The following FGR variants were observed in gnomAD, a reference collection of about 807,000 sequenced individuals.
FGR encodes tyrosine-protein kinase Fgr.
FGR carries 26 observed loss-of-function variants against 63.2 expected under a neutral mutation model. The observed-to-expected ratio is 0.41, with a 90% CI of 0.30 to 0.57. The LOEUF (loss-of-function observed/expected upper bound fraction) is 0.57, where lower values mean the gene tolerates loss of function less well. FGR is among the 20% of genes least tolerant of loss of function. The pLI, the probability that FGR is intolerant of heterozygous loss-of-function variation, is 0.27. For synonymous variants in FGR, 286 were observed against 277.7 expected (o/e 1.03, Z -0.30); for missense variants, 511 against 690.8 (o/e 0.74, Z 2.92).
At chr1:27,627,701 T>C (rs1571404001) in intron 1 of FGR, among the ~76,000 whole-genome samples, 1 of 152,118 alleles carries the variant, frequency 6.6e-6, no homozygotes, top group Non-Finnish European at 1.5e-5. Flanking sequence ...CTCCGCCTCC[T>C]GGGTTCAAGC....
Position 27,615,658 on chromosome 1 carries a change from G to A in FGR, c.838+31C>T. 6.3e-7 allele frequency: 1 copy of A among 1,593,176 alleles called. No homozygotes were observed. The highest frequency in any genetic ancestry group is 8.6e-7 in the Non-Finnish European group (1 of 1,163,972). ...TCAGGACCCTCTCCCCCGAGCCCAGGCCCTCGTCCCGGCCCCCGGGAGCTC... is the reference window on the plus strand; with the variant it reads ...TCAGGACCCTCTCCCCCGAGCCCAGACCCTCGTCCCGGCCCCCGGGAGCTC... On this transcript the variant is annotated intron_variant, in intron 8 of 12. Transcript: ENST00000374005. This position sits in a 1 kb window ranked among gnomAD's most constrained non-coding sequence, Gnocchi z 7.6.
intron 1 of FGR, among the ~76,000 whole-genome samples, chr1:27,633,639 C>T (rs939625673): frequency 1.3e-5 from 2 of 152,196 alleles, no homozygotes; most frequent in African/African-American, 2.4e-5. Context: ...GCCTTGAACT[C>T]GTGGGCTCCA....
At chr1:27,614,665 G>GA in intron 10 of FGR, 82 bp from the exon 11 acceptor site, 2 of 1,524,100 alleles carry the variant, frequency 1.3e-6, no homozygotes, top group Admixed American at 3.7e-5. Context: ...GGGACCATTT[G>GA]AAAAACCCAC....
In FGR at chr1:27,616,988, A is replaced by C; in HGVS notation, c.551T>G (p.Ile184Ser). ...GCCTCTGGTCTGATCCCAGTCCCGG[A>C]TGGACAGGGAGTAGGCACCTGTGGA... ...ETTKGAYSLS[I>S]RDWDQTRGDH... Residue 184 changes from isoleucine (I) to serine (S), a missense_variant, in exon 7 of 13, where the codon ATC becomes AGC. Coordinates refer to ENST00000374005, the MANE Select transcript of FGR (RefSeq NM_005248.3). The surrounding 1 kb of genome is among the most constrained non-coding windows in gnomAD (Gnocchi z 4.3). The C allele has an allele frequency of 6.2e-7, 1 of 1,614,102 alleles. No individual in the cohort carries two copies. The highest frequency in any genetic ancestry group is 8.5e-7 in the Non-Finnish European group (1 of 1,179,966).
chr1:27,622,206 T>C (rs1343555289), intron 4 of FGR, among the ~76,000 whole-genome samples: 1 of 144,934 alleles, frequency 6.9e-6, no homozygotes, highest in African/African-American at 2.6e-5. Flanking sequence ...CCAGGATCAC[T>C]GGAACCCAGG....
At chr1:27,614,333 G>C in intron 11 of FGR, 97 bp downstream of exon 11, 1 of 1,384,642 alleles carries the variant, frequency 7.2e-7, no homozygotes, top group African/African-American at 1.4e-5. Flanking sequence ...GGCGACTCGG[G>C]CGACCTGGAG....
Position 27,617,900 on chromosome 1 carries a change from C to G in FGR, c.429-604G>C, listed in dbSNP as rs777943866. The stretch of plus-strand genomic sequence containing the variant: ...CCTAAGTCTAAACTTCAACCTCAGG[C>G]CTCAATCACTCCTCTCCCTTGGGGA... On this transcript the variant is annotated intron_variant, in intron 5 of 12. Transcript: ENST00000374005. This position sits in a 1 kb window ranked among gnomAD's most constrained non-coding sequence, Gnocchi z 4.5. 2.6e-5 allele frequency among the ~76,000 whole-genome samples: 4 copies of G among 152,198 alleles called. No individual in the cohort carries two copies. The highest frequency in any genetic ancestry group is 5.9e-5 in the Non-Finnish European group (4 of 68,038).
At chr1:27,632,717 G>C (rs973988162) in intron 1 of FGR, among the ~76,000 whole-genome samples, 1 of 151,878 alleles carries the variant, frequency 6.6e-6, no homozygotes, top group Non-Finnish European at 1.5e-5. Context: ...TGGGACTCAG[G>C]ATTTTCAGGA....
rs145752645 is a variant in FGR at position 27,633,241 on chromosome 1, C to T, written c.-77+1824G>A. Among the ~76,000 whole-genome samples the T allele has an allele frequency of 9.2e-3, 1,403 of 152,268 alleles. 15 individuals carry two copies. The highest frequency in any genetic ancestry group is 0.015 in the Non-Finnish European group (1,027 of 68,014). On this transcript the variant is annotated intron_variant, in intron 1 of 12. Coordinates refer to ENST00000374005, the MANE Select transcript of FGR (RefSeq NM_005248.3). ...CAGGCTACATCAGAGACGAGATGTCCTGGAATTCTGGTCCCTACTGTTGGC... is the reference window on the plus strand; with the variant it reads ...CAGGCTACATCAGAGACGAGATGTCTTGGAATTCTGGTCCCTACTGTTGGC...
rs780777897 is a variant in FGR at position 27,623,947 on chromosome 1, C to T, written c.-13-18G>A. 69 of 1,553,782 alleles carry T rather than the reference C, an allele frequency of 4.4e-5. No individual in the cohort carries two copies. Among genetic ancestry groups the T allele is most frequent in the Non-Finnish European group, 5.7e-5 (65 of 1,146,730 alleles). ...GTTCCCTGCTACAGAATGGGGCATG[C>T]CTCACTCAAGGACCCCTGCCAGGTG... is the stretch of plus-strand genomic sequence containing the variant. On this transcript the variant is annotated intron_variant, in intron 2 of 12. Coordinates refer to ENST00000374005, the MANE Select transcript of FGR (RefSeq NM_005248.3).
rs1290822169 is a variant in FGR at position 27,617,830 on chromosome 1, C to T, written c.429-534G>A. On this transcript the variant is annotated intron_variant, in intron 5 of 12. Coordinates refer to ENST00000374005, the MANE Select transcript of FGR (RefSeq NM_005248.3). The surrounding 1 kb of genome is among the most constrained non-coding windows in gnomAD (Gnocchi z 4.5). ...CTTCTCTTCTCTCTGGCTGCTCCCG[C>T]CCCGGCTACTGCTCTTCCTGCACTC... is the stretch of plus-strand genomic sequence containing the variant. 6.6e-6 allele frequency among the ~76,000 whole-genome samples: 1 copy of T among 152,216 alleles called. No homozygotes were observed. Among genetic ancestry groups the T allele is most frequent in the Non-Finnish European group, 1.5e-5 (1 of 68,034 alleles).
intron 11 of FGR, among the ~76,000 whole-genome samples, chr1:27,613,896 G>A (rs907758615): frequency 7.2e-5 from 11 of 152,000 alleles, no homozygotes; most frequent in Non-Finnish European, 1.6e-4. Context: ...GCCAATACTT[G>A]GCTAGCCTTT....
intron 4 of FGR, 152 bp downstream of exon 4, chr1:27,622,890 C>CA (rs1285874498): frequency 1.6e-6 from 1 of 621,160 alleles, no homozygotes; most frequent in African/African-American, 1.8e-5. Flanking sequence ...CCTCAACCAG[C>CA]ACACAGTTGC....
intron 1 of FGR, among the ~76,000 whole-genome samples, chr1:27,633,841 T>G (rs1389805287): frequency 6.6e-6 from 1 of 152,164 alleles, no homozygotes; most frequent in Non-Finnish European, 1.5e-5. Flanking sequence ...CCCTTAACCC[T>G]TCAGGACACT....
At chr1:27,627,333 G>A (rs2090037212) in intron 1 of FGR, among the ~76,000 whole-genome samples, 2 of 151,914 alleles carry the variant, frequency 1.3e-5, no homozygotes, top group African/African-American at 4.8e-5. Context: ...CTCATGCACA[G>A]GCTCCAGGCT....
rs142777109 is a variant in FGR at position 27,620,638 on chromosome 1, G to A, written c.428+921C>T. On this transcript the variant is annotated intron_variant, in intron 5 of 12. Coordinates refer to ENST00000374005, the MANE Select transcript of FGR (RefSeq NM_005248.3). ...TCTCTTAAAAAACTAATAATATAAC[G>A]GTGTTATTGTGAGAATTAAGTGAAC... is the stretch of plus-strand genomic sequence containing the variant. Among the ~76,000 whole-genome samples the A allele has an allele frequency of 3.6e-3, 540 of 151,822 alleles. 18 individuals are homozygous for A. Among genetic ancestry groups the A allele is most frequent in the Admixed American group, 0.017 (252 of 15,238 alleles).
At chr1:27,618,925 G>A (rs921426786) in intron 5 of FGR, among the ~76,000 whole-genome samples, 3 of 151,916 alleles carry the variant, frequency 2.0e-5, no homozygotes, top group African/African-American at 7.3e-5. Context: ...TCTGGCCTCC[G>A]CCTCCCACCC....
At chr1:27,626,246 C>A in intron 1 of FGR, 1 of 398,694 alleles carries the variant, frequency 2.5e-6, no homozygotes. Context: ...CAGAGAGGAA[C>A]CGACTGGTGA....
Position 27,612,975 on chromosome 1 carries a change from G to T in FGR, c.1529C>A (p.Ser510Tyr). 6.2e-7 allele frequency: 1 copy of T among 1,614,204 alleles called. No individual in the cohort carries two copies. The highest frequency in any genetic ancestry group is 8.5e-7 in the Non-Finnish European group (1 of 1,180,014). Residue 510 changes from serine (S) to tyrosine (Y), a missense_variant, in exon 13 of 13, where the codon TCC becomes TAC. Coordinates refer to ENST00000374005, the MANE Select transcript of FGR (RefSeq NM_005248.3). ...EERPTFEYLQ[S>Y]FLEDYFTSAE... is the part of the protein sequence containing the mutation. ...GGAGGTGAAGTAGTCCTCCAGGAAG[G>T]ACTGCAGGTACTCGAAGGTAGGCCT...
Sources: allele counts gnomAD v4.1 joint callset (sites outside exome capture counted in the v4.1 genomes callset), GRCh38; gene constraint gnomAD v4.1.1; non-coding constraint Gnocchi (gnomAD v3.1); transcripts MANE v1.5; gene names NCBI Gene and HGNC (gene_info 2026-07-23, HGNC 2026-07-21).